Variants in AGMO observed in about 807,000 individuals in gnomAD.
AGMO encodes alkylglycerol monooxygenase, also known as glyceryl-ether monooxygenase.
Under a neutral mutation model 60.2 loss-of-function variants are expected in AGMO, and 75 were observed. The observed-to-expected ratio is 1.25, with a 90% CI of 1.03 to 1.51. The LOEUF (loss-of-function observed/expected upper bound fraction) is 1.51. Among genes scored for constraint, AGMO ranks in the 40% most tolerant of loss-of-function variants. AGMO has a pLI of 0.00. For synonymous variants in AGMO, 261 were observed against 177.1 expected (o/e 1.47, Z -3.76); for missense variants, 763 against 525.5 (o/e 1.45, Z -4.42).
chr7:15,354,629 C>G (rs1782450163), intron 12 of AGMO, among the ~76,000 whole-genome samples: 1 of 142,510 alleles, frequency 7.0e-6, no homozygotes, highest in Non-Finnish European at 1.5e-5. Context: ...CCCTTATATT[C>G]TAAAAATATT....
At chr7:15,306,571 TA>T (rs5882493) in intron 12 of AGMO, 5,968 of 366,082 alleles carry the variant, frequency 0.016, no homozygotes, top group South Asian at 0.027. Context: ...TATGACTGTG[TA>T]AAAAAAAAAA....
At chr7:15,152,449 G>A in the AGMO span, among the ~76,000 whole-genome samples, 1 of 152,058 alleles carries the variant, frequency 6.6e-6, no homozygotes, top group Non-Finnish European at 1.5e-5. Context: ...CCCAAGCAGT[G>A]CACATTGTAC....
intron 12 of AGMO, among the ~76,000 whole-genome samples, chr7:15,292,052 T>G (rs1784278760): frequency 8.6e-6 from 1 of 115,868 alleles, no homozygotes. Context: ...GACTATAATC[T>G]GCAGACAATG....
intron 3 of AGMO, among the ~76,000 whole-genome samples, chr7:15,488,880 T>C (rs929307123): frequency 1.3e-5 from 2 of 149,546 alleles, no homozygotes; most frequent in East Asian, 4.1e-4. Context: ...TTTGTTATGC[T>C]AAAATGAACA....
intron 3 of AGMO, among the ~76,000 whole-genome samples, chr7:15,474,660 C>A (rs957045760): frequency 6.6e-6 from 1 of 152,070 alleles, no homozygotes; most frequent in Non-Finnish European, 1.5e-5. Flanking sequence ...GACTAATACA[C>A]CAAAAGCAAT....
At chr7:15,425,751 A>G (rs1394669038) in intron 4 of AGMO, among the ~76,000 whole-genome samples, 1 of 151,878 alleles carries the variant, frequency 6.6e-6, no homozygotes, top group South Asian at 2.1e-4. Context: ...AATTGTATTT[A>G]TTTTTTCTGA....
intron 3 of AGMO, among the ~76,000 whole-genome samples, chr7:15,526,161 C>A (rs1241634587): frequency 6.6e-6 from 1 of 152,142 alleles, no homozygotes; most frequent in Non-Finnish European, 1.5e-5. Context: ...TCTCCTGCAG[C>A]GAACCCGGGT....
Position 15,488,276 on chromosome 7 carries a change from T to C in AGMO, c.409+56496A>G, listed in dbSNP as rs369289138. ...TAAAAATGTTTAGAATTGTAGTTTG[T>C]TGGCAAAATTCTTTTTTAAAAATTG... On this transcript the variant is annotated intron_variant, in intron 3 of 12. Transcript: ENST00000342526. Among the ~76,000 whole-genome samples, 6 of 152,350 alleles carry C rather than the reference T, an allele frequency of 3.9e-5. No homozygotes were observed. In the East Asian group the frequency reaches 1.2e-3, roughly 29 times the overall value.
chr7:15,513,858 C>T (rs1185572115), intron 3 of AGMO, among the ~76,000 whole-genome samples: 1 of 152,200 alleles, frequency 6.6e-6, no homozygotes, highest in Non-Finnish European at 1.5e-5. Flanking sequence ...TCTTCACTCT[C>T]TTTCAGGACT....
intron 12 of AGMO, among the ~76,000 whole-genome samples, chr7:15,291,307 T>G (rs552775711): frequency 6.6e-6 from 1 of 152,328 alleles, no homozygotes; most frequent in East Asian, 1.9e-4. Context: ...TTAACAACTT[T>G]TATCCATTAT....
At chr7:15,125,576 T>A in the AGMO span, among the ~76,000 whole-genome samples, 5 of 152,104 alleles carry the variant, frequency 3.3e-5, no homozygotes, top group African/African-American at 1.2e-4. Context: ...TTTTAAACAC[T>A]CTTGCAATAG....
intron 12 of AGMO, among the ~76,000 whole-genome samples, chr7:15,298,873 AT>A (rs1438516889): frequency 6.6e-6 from 1 of 151,988 alleles, no homozygotes; most frequent in African/African-American, 2.4e-5. Flanking sequence ...TGATTTTCTT[AT>A]TGTCCACCCC....
At chr7:15,167,122 A>G in the AGMO span, among the ~76,000 whole-genome samples, 4 of 152,344 alleles carry the variant, frequency 2.6e-5, no homozygotes, top group African/African-American at 9.6e-5. Context: ...AATCATGAAA[A>G]TTTATAGCAA....
the AGMO span, among the ~76,000 whole-genome samples, chr7:15,192,970 T>C: frequency 3.3e-5 from 5 of 152,362 alleles, no homozygotes; most frequent in East Asian, 1.9e-4. Context: ...ATTCTTAATA[T>C]ATACTCTAAT....
chr7:15,353,961 C>G (rs1782353730), intron 12 of AGMO, among the ~76,000 whole-genome samples: 1 of 152,028 alleles, frequency 6.6e-6, no homozygotes, highest in Non-Finnish European at 1.5e-5. Context: ...CCATACAAAG[C>G]CAATACATTT....
chr7:15,285,308 T>A (rs1784071932), intron 12 of AGMO, among the ~76,000 whole-genome samples: 3 of 152,082 alleles, frequency 2.0e-5, no homozygotes. Context: ...ACTGATAATA[T>A]GATTGTATAA....
chr7:15,358,426 G>C (rs939698717), intron 12 of AGMO: 1 of 471,158 alleles, frequency 2.1e-6, no homozygotes, highest in Admixed American at 2.4e-5. Context: ...TGCAGAGTTG[G>C]AAGACAAGTA....
chr7:15,445,903 C>T (rs534285739), intron 3 of AGMO, among the ~76,000 whole-genome samples: 53 of 152,238 alleles, frequency 3.5e-4, no homozygotes, highest in African/African-American at 1.3e-3. Context: ...CTACTGTAAA[C>T]TGGACTTAAT....
At chr7:15,317,010 A>G (rs1379922051) in intron 12 of AGMO, among the ~76,000 whole-genome samples, 1 of 152,228 alleles carries the variant, frequency 6.6e-6, no homozygotes, top group Non-Finnish European at 1.5e-5. Flanking sequence ...TGCATCAAGC[A>G]TATCCACATG....
Sources: gnomAD v4.1 joint callset for allele counts (sites outside exome capture counted in the v4.1 genomes callset) on GRCh38, gnomAD v4.1.1 for gene constraint, MANE v1.5 for transcripts, NCBI Gene and HGNC (gene_info 2026-07-23, HGNC 2026-07-21) for gene names.